Variants in ATRNL1 observed in about 807,000 individuals in gnomAD.
ATRNL1 encodes attractin like 1.
ATRNL1 carries 95 observed loss-of-function variants against 182.7 expected under a neutral mutation model. The ratio of observed to expected loss-of-function variants is 0.52; its 90% CI spans 0.44 to 0.62. The LOEUF (loss-of-function observed/expected upper bound fraction) is 0.62, where lower values mean the gene tolerates loss of function less well. Among genes scored for constraint, ATRNL1 ranks in the 20% least tolerant of loss-of-function variants. The pLI, the probability that ATRNL1 is intolerant of heterozygous loss-of-function variation, is 0.00. For synonymous variants in ATRNL1, 576 were observed against 568.3 expected, an observed-to-expected ratio of 1.01 and a Z score of -0.19; for missense variants, 1,471 against 1,679.5, an observed-to-expected ratio of 0.88 and a Z score of 2.17.
intron 28 of ATRNL1, among the ~76,000 whole-genome samples, chr10:115,857,073 C>A (rs1021150796): frequency 3.3e-5 from 5 of 152,248 alleles, no homozygotes; most frequent in South Asian, 2.1e-4. Flanking sequence ...TTATAATGAT[C>A]TATTTCCACT....
In ATRNL1 at chr10:115,798,013, G is replaced by A. The variant is rs186697341; in HGVS notation, c.3904-49864G>A. Among the ~76,000 whole-genome samples, 470 of 152,278 alleles carry A rather than the reference G, an allele frequency of 3.1e-3. 4 individuals are homozygous for A. Among genetic ancestry groups the A allele is most frequent in the African/African-American group, 0.011 (446 of 41,560 alleles). ...GCTCACTGCAAGCTCTGCCTCCCGG[G>A]TTCACGCCATTCTCCTGCCTCAGCC... On this transcript the variant is annotated intron_variant, in intron 27 of 28. Transcript: ENST00000355044.
At chr10:115,795,042 GGC>G (rs142777026) in intron 27 of ATRNL1, among the ~76,000 whole-genome samples, 1,668 of 152,030 alleles carry the variant, frequency 0.011, 34 homozygotes, top group African/African-American at 0.039. Context: ...TTTACTTTCT[GGC>G]ACAAGATATT....
chr10:115,456,879 C>T (rs1047618488), intron 21 of ATRNL1, among the ~76,000 whole-genome samples: 16 of 152,134 alleles, frequency 1.1e-4, no homozygotes, highest in African/African-American at 3.9e-4. Flanking sequence ...TCCTGTAGTT[C>T]AGCAAGTGGG....
At chr10:115,940,909 A>G (rs962881822) in intron 28 of ATRNL1, among the ~76,000 whole-genome samples, 3 of 152,230 alleles carry the variant, frequency 2.0e-5, no homozygotes, top group Non-Finnish European at 4.4e-5. Flanking sequence ...ACACACACAT[A>G]TAAATGCAGT....
intron 1 of ATRNL1, among the ~76,000 whole-genome samples, chr10:115,112,909 G>A (rs1844320881): frequency 6.6e-6 from 1 of 152,272 alleles, no homozygotes; most frequent in South Asian, 2.1e-4. Context: ...CAATCTATGG[G>A]TGCCAAAACC....
chr10:115,393,177 ACT>A (rs1175483926), intron 19 of ATRNL1, among the ~76,000 whole-genome samples: 4 of 149,752 alleles, frequency 2.7e-5, no homozygotes, highest in Non-Finnish European at 5.9e-5. Context: ...TCCCCCTTTC[ACT>A]CTTTTTGCCC....
chr10:115,323,283 G>T (rs1854679594), intron 18 of ATRNL1, among the ~76,000 whole-genome samples: 3 of 151,794 alleles, frequency 2.0e-5, no homozygotes, highest in African/African-American at 7.3e-5. Context: ...TTCTTCTAGT[G>T]TATGTTATTG....
Position 115,210,041 on chromosome 10 carries a change from T to A in ATRNL1, c.1349-5656T>A, listed in dbSNP as rs536613813. 2.6e-4 allele frequency among the ~76,000 whole-genome samples: 39 copies of A among 152,068 alleles called. No individual in the cohort carries two copies. In the South Asian group the frequency reaches 5.6e-3, roughly 22 times the overall value. ...TGTCTTCGCTCTTACAATTCCAAAG[T>A]TTTTTTAAAAAAGTTTATCAAGTAG... On this transcript the variant is annotated intron_variant, in intron 8 of 28. Coordinates refer to ENST00000355044, the MANE Select transcript of ATRNL1 (RefSeq NM_207303.4).
At chr10:115,871,619 T>C (rs1304533105) in intron 28 of ATRNL1, among the ~76,000 whole-genome samples, 1 of 151,760 alleles carries the variant, frequency 6.6e-6, no homozygotes, top group Admixed American at 6.6e-5. Flanking sequence ...AGGAACTGCT[T>C]GAGCAGCAGA....
intron 28 of ATRNL1, among the ~76,000 whole-genome samples, chr10:115,875,621 C>A (rs1400686098): frequency 3.3e-5 from 5 of 152,122 alleles, no homozygotes; most frequent in Admixed American, 6.5e-5. Context: ...GCATTGAGTA[C>A]CTACTTCCGT....
At chr10:115,437,294 A>G (rs1846448368) in intron 21 of ATRNL1, among the ~76,000 whole-genome samples, 1 of 152,072 alleles carries the variant, frequency 6.6e-6, no homozygotes, top group Non-Finnish European at 1.5e-5. Context: ...CATGTAAGAT[A>G]CGGTCTTTAT....
intron 27 of ATRNL1, among the ~76,000 whole-genome samples, chr10:115,846,344 T>G (rs1555098761): frequency 6.6e-6 from 1 of 152,004 alleles, no homozygotes; most frequent in Non-Finnish European, 1.5e-5. Flanking sequence ...GAAATTTCAG[T>G]CCAAGTTTTA....
chr10:115,899,338 C>T (rs1473607191), intron 28 of ATRNL1, among the ~76,000 whole-genome samples: 4 of 152,078 alleles, frequency 2.6e-5, no homozygotes, highest in Non-Finnish European at 5.9e-5. Context: ...GACGGAGTTT[C>T]GCTCTTATTG....
At chr10:115,505,785 G>T (rs540666259) in intron 24 of ATRNL1, among the ~76,000 whole-genome samples, 3 of 151,866 alleles carry the variant, frequency 2.0e-5, no homozygotes, top group African/African-American at 7.2e-5. Context: ...ACACACACAC[G>T]TCTTGGATAA....
At chr10:115,735,668 AAGCTGATGTGAT>A (rs1380403859) in intron 27 of ATRNL1, among the ~76,000 whole-genome samples, 1 of 152,190 alleles carries the variant, frequency 6.6e-6, no homozygotes, top group Non-Finnish European at 1.5e-5. Flanking sequence ...TGATACTACA[AAGCTGATGTGAT>A]AACCAAGACA....
At chr10:115,675,808 C>T (rs1367280741) in intron 26 of ATRNL1, among the ~76,000 whole-genome samples, 1 of 152,158 alleles carries the variant, frequency 6.6e-6, no homozygotes, top group African/African-American at 2.4e-5. Context: ...CAATTTAATT[C>T]TTATAACAAC....
At chr10:115,639,488 TC>T (rs1231455138) in intron 26 of ATRNL1, among the ~76,000 whole-genome samples, 4 of 152,212 alleles carry the variant, frequency 2.6e-5, no homozygotes, top group African/African-American at 7.2e-5. Context: ...AATTTGTAAA[TC>T]TTTTATGATT....
chr10:115,733,534 G>T lies in ATRNL1; in HGVS notation c.3903+6179G>T, dbSNP rs150991313. The stretch of plus-strand genomic sequence containing the variant: ...AAACCTCGCTCCCAAGGTGAAAAAC[G>T]CATTGTTCAAGTCTAAGGCAGTCAA... On this transcript the variant is annotated intron_variant, in intron 27 of 28. Coordinates refer to ENST00000355044, the MANE Select transcript of ATRNL1 (RefSeq NM_207303.4). Among the ~76,000 whole-genome samples the T allele has an allele frequency of 4.0e-3, 607 of 152,220 alleles. 3 individuals are homozygous for T. Among genetic ancestry groups the T allele is most frequent in the Middle Eastern group, 0.014 (4 of 294 alleles).
At chr10:115,217,477 G>A (rs1554896543) in intron 9 of ATRNL1, among the ~76,000 whole-genome samples, 1 of 152,122 alleles carries the variant, frequency 6.6e-6, no homozygotes, top group Non-Finnish European at 1.5e-5. Flanking sequence ...TAATAATAAT[G>A]GGTATAGCAA....
Sources: gnomAD v4.1 joint callset for allele counts (sites outside exome capture counted in the v4.1 genomes callset) on GRCh38, gnomAD v4.1.1 for gene constraint, MANE v1.5 for transcripts, NCBI Gene and HGNC (gene_info 2026-07-23, HGNC 2026-07-21) for gene names.